Variants in PLCG2 observed in about 807,000 individuals in gnomAD.
PLCG2 encodes 1-phosphatidylinositol 4,5-bisphosphate phosphodiesterase gamma-2.
PLCG2 carries 69 observed loss-of-function variants against 175.6 expected under a neutral mutation model. That is an observed-to-expected ratio of 0.39 (90% CI 0.32 to 0.48). PLCG2 has a LOEUF of 0.48. PLCG2 is among the 20% of genes least tolerant of loss of function. The pLI is 0.91. For synonymous variants in PLCG2, 827 were observed against 624.0 expected, an observed-to-expected ratio of 1.33 and a Z score of -4.85; for missense variants, 1,798 against 1,650.9, an observed-to-expected ratio of 1.09 and a Z score of -1.54.
intron 2 of PLCG2, among the ~76,000 whole-genome samples, chr16:81,832,906 C>T (rs1172900202): frequency 1.3e-5 from 2 of 152,184 alleles, no homozygotes; most frequent in Admixed American, 6.5e-5. Context: ...GTGTGAGGCC[C>T]AGGCAGCCAG....
chr16:81,822,776 A>AAAAAAAAAAAAAAAAAAAG (rs1476818787), intron 2 of PLCG2, among the ~76,000 whole-genome samples: 1 of 151,086 alleles, frequency 6.6e-6, no homozygotes, highest in Non-Finnish European at 1.5e-5. Context: ...AAAAAAAAAA[A>AAAAAAAAAAAAAAAAAAAG]AAAAAGAAAA....
At chr16:81,935,621 C>T in intron 26 of PLCG2, 2 of 985,376 alleles carry the variant, frequency 2.0e-6, no homozygotes, top group Non-Finnish European at 2.4e-6. Context: ...TTCAGGGACT[C>T]AGCAGGCTCA....
In PLCG2 at chr16:81,886,232, C is replaced by T. The variant is rs553258339; in HGVS notation, c.765+2891C>T. ...TTACGTGCTTTCCCCAAACGGGGCC[C>T]TTTGCTGGGCTGCCCTTAGAGATCA... On this transcript the variant is annotated intron_variant, in intron 9 of 32. Coordinates refer to ENST00000564138, the MANE Select transcript of PLCG2 (RefSeq NM_002661.5). Among the ~76,000 whole-genome samples the T allele has an allele frequency of 3.3e-5, 5 of 152,284 alleles. No individual in the cohort carries two copies. In the South Asian group the frequency reaches 1.0e-3, roughly 32 times the overall value.
At chr16:81,864,215 A>T (rs892513935) in intron 5 of PLCG2, among the ~76,000 whole-genome samples, 2 of 152,174 alleles carry the variant, frequency 1.3e-5, no homozygotes, top group African/African-American at 4.8e-5. Context: ...AAGAATTTGC[A>T]TTTCAACCAA....
At chr16:81,880,698 C>T (rs9936650) in intron 7 of PLCG2, among the ~76,000 whole-genome samples, 1 of 152,124 alleles carries the variant, frequency 6.6e-6, no homozygotes, top group Non-Finnish European at 1.5e-5. Flanking sequence ...CTTGGGAATA[C>T]GACTGTGGAG....
At chr16:81,864,012 C>T (rs1167115435) in intron 5 of PLCG2, among the ~76,000 whole-genome samples, 1 of 152,184 alleles carries the variant, frequency 6.6e-6, no homozygotes, top group Non-Finnish European at 1.5e-5. Flanking sequence ...TTTTACTGTT[C>T]TGGGCATGGC....
chr16:81,799,742 G>A lies in PLCG2; in HGVS notation c.193+13560G>A, dbSNP rs575044648. ...CGAGTAGCTGGGACTACAGGCGCCCGCCACCACACTTGGCTAATTTTTTTG... is the reference window on the plus strand; with the variant it reads ...CGAGTAGCTGGGACTACAGGCGCCCACCACCACACTTGGCTAATTTTTTTG... On this transcript the variant is annotated intron_variant, in intron 2 of 32. Transcript: ENST00000564138. Among the ~76,000 whole-genome samples the A allele has an allele frequency of 4.5e-4, 69 of 151,788 alleles. 1 individual carries two copies. Among genetic ancestry groups the A allele is most frequent in the Non-Finnish European group, 5.1e-4 (35 of 67,968 alleles).
At chr16:81,824,512 T>A (rs1054338684) in intron 2 of PLCG2, among the ~76,000 whole-genome samples, 3 of 152,240 alleles carry the variant, frequency 2.0e-5, no homozygotes, top group African/African-American at 7.2e-5. Flanking sequence ...CCAGCTTTTG[T>A]GGAGCCAGGT....
chr16:81,935,503 G>C lies in PLCG2; in HGVS notation c.2843-666G>C, dbSNP rs1341766645. On this transcript the variant is annotated intron_variant, in intron 26 of 32. Coordinates refer to ENST00000564138, the MANE Select transcript of PLCG2 (RefSeq NM_002661.5). Reference sequence around the variant, plus strand: ...ATGCTGTACGTATTTTTTTCTTTGGGTGTTTTGAGCTGCTTCCATATCTTT... The same window carrying C: ...ATGCTGTACGTATTTTTTTCTTTGGCTGTTTTGAGCTGCTTCCATATCTTT... 3.0e-6 allele frequency: 3 copies of C among 984,732 alleles called. No individual in the cohort carries two copies. The African/African-American group carries it at 5.2e-5, about 17-fold the overall frequency. 61.0% of individuals were successfully genotyped at this position (984,732 alleles called of 1,614,324 possible). A position where few individuals can be genotyped will look rare whatever the true frequency, so the allele number is the denominator to read the frequency against.
At chr16:81,816,429 C>A (rs1396383386) in intron 2 of PLCG2, among the ~76,000 whole-genome samples, 1 of 151,894 alleles carries the variant, frequency 6.6e-6, no homozygotes, top group Non-Finnish European at 1.5e-5. Context: ...TATTTTGGGA[C>A]CATGAAAAGG....
chr16:81,880,315 A>G (rs1282333570), intron 7 of PLCG2, among the ~76,000 whole-genome samples: 1 of 152,208 alleles, frequency 6.6e-6, no homozygotes. Context: ...CTGTTTTGAG[A>G]GCACCTTGGC....
chr16:81,748,569 CAG>C (rs756706029), intron 1 of PLCG2, among the ~76,000 whole-genome samples: 2 of 152,024 alleles, frequency 1.3e-5, no homozygotes, highest in East Asian at 1.9e-4. Context: ...TAGGGGTAAA[CAG>C]GGGACTTCTT....
chr16:81,932,743 C>G (rs1055612083), intron 25 of PLCG2, among the ~76,000 whole-genome samples: 1 of 152,212 alleles, frequency 6.6e-6, no homozygotes, highest in South Asian at 2.1e-4. Flanking sequence ...CATGGGTGCC[C>G]TCGCTGGTGG....
intron 2 of PLCG2, among the ~76,000 whole-genome samples, chr16:81,817,619 G>A (rs780007408): frequency 2.6e-5 from 4 of 152,068 alleles, no homozygotes; most frequent in Admixed American, 6.6e-5. Flanking sequence ...AACATCAGAG[G>A]GTACCTTGTG....
chr16:81,932,118 C>A (rs1033537213), intron 25 of PLCG2, among the ~76,000 whole-genome samples: 1 of 152,140 alleles, frequency 6.6e-6, no homozygotes, highest in African/African-American at 2.4e-5. Flanking sequence ...GGAGGAACTT[C>A]CCCTCTAGAT....
intron 23 of PLCG2, 104 bp downstream of exon 23, chr16:81,927,282 T>A: frequency 1.3e-6 from 1 of 753,590 alleles, no homozygotes; most frequent in African/African-American, 1.7e-5. Context: ...ATGTGCTGCT[T>A]GTGGTCTCTG....
At chr16:81,791,092 T>A (rs1911211117) in intron 2 of PLCG2, among the ~76,000 whole-genome samples, 1 of 152,210 alleles carries the variant, frequency 6.6e-6, no homozygotes, top group African/African-American at 2.4e-5. Context: ...GCCATCATAT[T>A]GAGTGCTAAA....
intron 30 of PLCG2, among the ~76,000 whole-genome samples, chr16:81,942,684 G>A (rs1009530068): frequency 9.2e-5 from 14 of 152,146 alleles, no homozygotes; most frequent in African/African-American, 3.4e-4. Flanking sequence ...AAAATTCTGA[G>A]CACTTTGAGG....
At chr16:81,823,206 A>G (rs1460704292) in intron 2 of PLCG2, among the ~76,000 whole-genome samples, 1 of 152,222 alleles carries the variant, frequency 6.6e-6, no homozygotes, top group African/African-American at 2.4e-5. Context: ...TTTTCAGTTC[A>G]GCCTAGGGGA....
Sources: gnomAD v4.1 joint callset for allele counts (sites outside exome capture counted in the v4.1 genomes callset) on GRCh38, gnomAD v4.1.1 for gene constraint, MANE v1.5 for transcripts, NCBI Gene and HGNC (gene_info 2026-07-23, HGNC 2026-07-21) for gene names.